The following SLC2A14 variants were observed in gnomAD, a reference collection of about 807,000 sequenced individuals.
SLC2A14 encodes the protein solute carrier family 2, facilitated glucose transporter member 14.
SLC2A14 carries 13 observed loss-of-function variants against 43.0 expected under a neutral mutation model. The observed-to-expected ratio is 0.30, with a 90% CI of 0.20 to 0.48. The LOEUF is 0.48. SLC2A14 is among the 20% of genes least tolerant of loss of function. The probability of loss-of-function intolerance (pLI) is 0.99; values close to 1 mark genes in which losing one functional copy is unlikely to be tolerated. For missense variants in SLC2A14, 428 were observed against 620.4 expected (o/e 0.69, Z 3.29); for synonymous variants, 190 against 233.8 (o/e 0.81, Z 1.71).
intron 1 of SLC2A14, 132 bp from the exon 2 acceptor site, chr12:7,870,069 A>G (rs1469533280): frequency 1.9e-6 from 1 of 535,424 alleles, no homozygotes; most frequent in Non-Finnish European, 3.2e-6. Flanking sequence ...GAAAATTTAT[A>G]TAATTCTATT....
intron 7 of SLC2A14, among the ~76,000 whole-genome samples, chr12:7,823,234 T>A (rs1457066916): frequency 6.6e-6 from 1 of 151,778 alleles, no homozygotes; most frequent in Non-Finnish European, 1.5e-5. Context: ...AATAAAAAAA[T>A]TAGCTGGGTG....
At chr12:7,852,083 T>C (rs991487393) in intron 2 of SLC2A14, among the ~76,000 whole-genome samples, 2 of 152,186 alleles carry the variant, frequency 1.3e-5, no homozygotes, top group African/African-American at 2.4e-5. Context: ...ACAGAGCTTC[T>C]AGTTTAAGTT....
intron 7 of SLC2A14, among the ~76,000 whole-genome samples, chr12:7,825,459 CA>C (rs34023090): frequency 0.61 from 80,768 of 131,362 alleles, 25,215 homozygotes; most frequent in African/African-American, 0.7. Context: ...GACTACCTCT[CA>C]AAAAAAAAAA....
chr12:7,870,994 T>G, intron 1 of SLC2A14: 1 of 1,437,498 alleles, frequency 7.0e-7, no homozygotes, highest in South Asian at 1.1e-5. Flanking sequence ...AGAACCATGA[T>G]GGCTTCAATG....
At chr12:7,840,647 A>C (rs187074323) in intron 2 of SLC2A14, among the ~76,000 whole-genome samples, 4 of 152,284 alleles carry the variant, frequency 2.6e-5, no homozygotes, top group African/African-American at 4.8e-5. Context: ...GGGCCTCCCA[A>C]GGTGCTGGGA....
Position 7,821,236 on chromosome 12 carries a change from G to C in SLC2A14, c.954C>G (p.Ile318Met). The C allele has an allele frequency of 6.2e-7, 1 of 1,613,458 alleles. No individual in the cohort carries two copies. Among genetic ancestry groups the C allele is most frequent in the Admixed American group, 1.7e-5 (1 of 59,966 alleles). Residue 318 changes from isoleucine (I) to methionine (M), a missense_variant, in exon 8 of 11, where the codon ATC (isoleucine) becomes ATG (methionine). Ile to Met is a conservative substitution (Grantham distance 10, BLOSUM62 1). Transcript: ENST00000431042. ...TCCAACTTACAGAAAGTAAAGTGAA[G>C]ATAGTATTAACCACACCCGCGCTGA... The part of the protein sequence containing the change: ...ATISAGVVNT[I>M]FTLLSLFLVE...
At chr12:7,879,333 A>AAC (rs1945526409) in intron 1 of SLC2A14, among the ~76,000 whole-genome samples, 2 of 61,964 alleles carry the variant, frequency 3.2e-5, no homozygotes, top group South Asian at 5.4e-4. Context: ...ACAACAACAA[A>AAC]AAAAAACAAA....
intron 7 of SLC2A14, among the ~76,000 whole-genome samples, chr12:7,826,000 G>A (rs73254722): frequency 0.089 from 13,380 of 151,088 alleles, 1,504 homozygotes; most frequent in African/African-American, 0.25. Context: ...CAGAACTAAC[G>A]CAAGGTACAT....
chr12:7,831,334 C>T, intron 4 of SLC2A14: 1 of 346,996 alleles, frequency 2.9e-6, no homozygotes, highest in South Asian at 6.7e-5. Flanking sequence ...GTTGAGCTTA[C>T]TAGGGAATAA....
chr12:7,878,854 G>A (rs1945510895), intron 1 of SLC2A14, among the ~76,000 whole-genome samples: 1 of 151,408 alleles, frequency 6.6e-6, no homozygotes, highest in African/African-American at 2.4e-5. Context: ...GCACCTGCCT[G>A]TAATCCCAGC....
At chr12:7,887,032 C>G (rs1442928509) in intron 1 of SLC2A14, among the ~76,000 whole-genome samples, 1 of 151,520 alleles carries the variant, frequency 6.6e-6, no homozygotes, top group Non-Finnish European at 1.5e-5. Flanking sequence ...CTGCCTCAGC[C>G]TCCTGAGTAG....
At chr12:7,840,466 G>A (rs1156967741) in intron 2 of SLC2A14, among the ~76,000 whole-genome samples, 4 of 151,940 alleles carry the variant, frequency 2.6e-5, no homozygotes, top group Admixed American at 6.6e-5. Context: ...TGCAACCTCC[G>A]CCTCCTGGGT....
At chr12:7,819,069 T>A (rs747158236) in intron 9 of SLC2A14, among the ~76,000 whole-genome samples, 1 of 151,868 alleles carries the variant, frequency 6.6e-6, no homozygotes, top group African/African-American at 2.4e-5. Flanking sequence ...AATAAAAAAT[T>A]AGCTGGGCGT....
chr12:7,830,353 A>G (rs1864917311), intron 4 of SLC2A14, among the ~76,000 whole-genome samples: 1 of 152,118 alleles, frequency 6.6e-6, no homozygotes, highest in South Asian at 2.1e-4. Context: ...GGGTTTCACC[A>G]TCTTGACCAG....
At chr12:7,827,955 T>A (rs937228890) in intron 6 of SLC2A14, among the ~76,000 whole-genome samples, 1 of 152,112 alleles carries the variant, frequency 6.6e-6, no homozygotes, top group Non-Finnish European at 1.5e-5. Flanking sequence ...CTGGCCAACA[T>A]GGTGAAAGCC....
In SLC2A14 at chr12:7,831,733, G is replaced by A. The variant is rs1443485769; in HGVS notation, c.143C>T (p.Thr48Met). The part of the protein sequence containing the change: ...IIKEFINKTL[T>M]DKANAPPSEV... ...AGAGGGAGGGGCATTTGCCTTGTCC[G>A]TCAAAGTTTTATTGATAAATTCCTT... Residue 48 changes from threonine (T) to methionine (M), a missense_variant, in exon 4 of 11, where the codon ACG becomes ATG. Physicochemically the swap from Thr to Met is moderately conservative, Grantham distance 81. Transcript: ENST00000431042. The A allele has an allele frequency of 3.7e-6, 6 of 1,614,196 alleles. No homozygotes were observed. The South Asian group carries it at 4.4e-5, about 12-fold the overall frequency.
chr12:7,877,645 A>G (rs1795914796), upstream of SLC2A14, among the ~76,000 whole-genome samples: 1 of 148,076 alleles, frequency 6.8e-6, no homozygotes, highest in Admixed American at 6.7e-5. Context: ...GTCTGGTCTG[A>G]AATTCTTGAC....
intron 7 of SLC2A14, among the ~76,000 whole-genome samples, chr12:7,823,564 T>C (rs1565501615): frequency 6.7e-6 from 1 of 150,052 alleles, no homozygotes; most frequent in Admixed American, 6.7e-5. Context: ...CTATTAAAAA[T>C]ACAAAATTAG....
At chr12:7,873,731 C>T (rs1268665782), upstream of SLC2A14, among the ~76,000 whole-genome samples, 37 of 152,068 alleles carry the variant, frequency 2.4e-4, no homozygotes, top group Admixed American at 2.4e-3. Flanking sequence ...GCCCCGCGGT[C>T]GTTCTCTCCA....
Sources: allele counts gnomAD v4.1 joint callset (sites outside exome capture counted in the v4.1 genomes callset), GRCh38; gene constraint gnomAD v4.1.1; transcripts MANE v1.5; gene names NCBI Gene and HGNC (gene_info 2026-07-23, HGNC 2026-07-21).